Variants in SLC45A1 observed in about 807,000 individuals in gnomAD.
The protein encoded by SLC45A1 is proton-associated sugar transporter A.
Under a neutral mutation model 57.6 loss-of-function variants are expected in SLC45A1, and 28 were observed. The ratio of observed to expected loss-of-function variants is 0.49; its 90% CI spans 0.36 to 0.67. The LOEUF (loss-of-function observed/expected upper bound fraction) is 0.67. Among genes scored for constraint, SLC45A1 ranks in the 30% least tolerant of loss-of-function variants. The pLI, the probability that SLC45A1 is intolerant of heterozygous loss-of-function variation, is 0.00. For missense variants in SLC45A1, 814 were observed against 1,041.5 expected, an observed-to-expected ratio of 0.78 and a Z score of 3.01; for synonymous variants, 459 against 471.5, an observed-to-expected ratio of 0.97 and a Z score of 0.34.
At chr1:8,320,692 TACACAC>T (rs57414432) in intron 1 of SLC45A1, among the ~76,000 whole-genome samples, 5,770 of 101,146 alleles carry the variant, frequency 0.057, 328 homozygotes, top group African/African-American at 0.16. Flanking sequence ...TCTCTCTCTC[TACACAC>T]ACACACACAC....
chr1:8,338,461 C>T (rs72864267), intron 7 of SLC45A1, among the ~76,000 whole-genome samples: 7,659 of 152,326 alleles, frequency 0.05, 689 homozygotes, highest in African/African-American at 0.18. Context: ...GTCTGGGGTA[C>T]CCTTGGAGCA....
At chr1:8,318,628 G>A (rs1569915579) in intron 1 of SLC45A1, among the ~76,000 whole-genome samples, 1 of 152,188 alleles carries the variant, frequency 6.6e-6, no homozygotes, top group Non-Finnish European at 1.5e-5. Context: ...GGGCACCGAG[G>A]ACTCCCCTTT....
Position 8,343,948 on chromosome 1 carries a change from A to G in SLC45A1, c.2182A>G (p.Ile728Val). Residue 728 changes from isoleucine (I) to valine (V), a missense_variant, in exon 9 of 9, where the codon ATT becomes GTT. Ile to Val is a conservative substitution (Grantham distance 29). Transcript: ENST00000471889. The surrounding 1 kb of genome is among the most constrained non-coding windows in gnomAD (Gnocchi z 7.7). ...LGCLYSSLFV[I>V]YEIPPSDAAD... ...CTGCCTGTACTCCTCCCTGTTTGTC[A>G]TTTATGAAATTCCTCCCAGCGACGC... 1 of 1,613,876 alleles carries G rather than the reference A, an allele frequency of 6.2e-7. No individual in the cohort carries two copies. The highest frequency in any genetic ancestry group is 1.3e-5 in the African/African-American group (1 of 74,972).
chr1:8,325,432 A>G lies in SLC45A1; in HGVS notation c.490+42A>G, dbSNP rs547534000. The G allele has an allele frequency of 2.9e-6, 4 of 1,403,168 alleles. No individual in the cohort carries two copies. The South Asian group carries it at 4.8e-5, about 17-fold the overall frequency. 86.9% of individuals were successfully genotyped at this position (1,403,168 alleles called of 1,614,324 possible). On this transcript the variant is annotated intron_variant, in intron 3 of 8. Coordinates refer to ENST00000471889, the MANE Select transcript of SLC45A1 (RefSeq NM_001080397.3). The surrounding 1 kb of genome is among the most constrained non-coding windows in gnomAD (Gnocchi z 6.3). ...TGGAAATAAAATGGAGAGGAAAAAA[A>G]AAAGGCCCCAACTGCTTCCTTTTAG...
Position 8,343,706 on chromosome 1 carries a change from C to T in SLC45A1, c.1981-41C>T, listed in dbSNP as rs1357180158. ...ACCGAGCTCGGTCACCCCGTGCTGG[C>T]CGCGGCGTGTCTCGCTGACACGTTT... On this transcript the variant is annotated intron_variant, in intron 8 of 8. Transcript: ENST00000471889. This position sits in a 1 kb window ranked among gnomAD's most constrained non-coding sequence, Gnocchi z 7.7. The T allele has an allele frequency of 1.3e-6, 2 of 1,578,612 alleles. No individual in the cohort carries two copies. The highest frequency in any genetic ancestry group is 2.3e-5 in the East Asian group (1 of 44,248).
chr1:8,326,098 T>C lies in SLC45A1; in HGVS notation c.715+56T>C. 6.9e-7 allele frequency: 1 copy of C among 1,452,986 alleles called. No homozygotes were observed. Among genetic ancestry groups the C allele is most frequent in the Non-Finnish European group, 9.5e-7 (1 of 1,055,618 alleles). The allele number at this position is 1,452,986 out of a possible 1,614,324, so 90.0% of individuals were successfully genotyped here. ...TCTGCCGGGCTGCAGGCTTCAGACG[T>C]GTGGCTTTCGAGGCCCTTCCTCACT... On this transcript the variant is annotated intron_variant, in intron 4 of 8. Transcript: ENST00000471889. This position sits in a 1 kb window ranked among gnomAD's most constrained non-coding sequence, Gnocchi z 5.5.
chr1:8,336,277 G>T (rs937969254), intron 6 of SLC45A1, among the ~76,000 whole-genome samples: 1 of 152,090 alleles, frequency 6.6e-6, no homozygotes, highest in Non-Finnish European at 1.5e-5. Context: ...GGGCATGGTG[G>T]TGCGTGCCTG....
chr1:8,320,118 G>C (rs1218350933), intron 1 of SLC45A1, among the ~76,000 whole-genome samples: 1 of 152,172 alleles, frequency 6.6e-6, no homozygotes, highest in Non-Finnish European at 1.5e-5. Context: ...CCCCAGATTT[G>C]AAGATGAATC....
intron 5 of SLC45A1, among the ~76,000 whole-genome samples, chr1:8,333,631 C>G (rs1246164521): frequency 2.0e-5 from 3 of 150,974 alleles, no homozygotes; most frequent in African/African-American, 4.9e-5. Flanking sequence ...AACGGGGCCT[C>G]ACTATGTGGC....
In SLC45A1 at chr1:8,326,076, G is replaced by C; in HGVS notation, c.715+34G>C. 1 of 1,566,324 alleles carries C rather than the reference G, an allele frequency of 6.4e-7. No individual in the cohort carries two copies. Among genetic ancestry groups the C allele is most frequent in the African/African-American group, 1.3e-5 (1 of 74,390 alleles). ...CCGCAGCAGGGCCGAAGCTGAATCT[G>C]CCGGGCTGCAGGCTTCAGACGTGTG... On this transcript the variant is annotated intron_variant, in intron 4 of 8. Transcript: ENST00000471889. The surrounding 1 kb of genome is among the most constrained non-coding windows in gnomAD (Gnocchi z 5.5).
chr1:8,328,043 T>A lies in SLC45A1; in HGVS notation c.715+2001T>A, dbSNP rs561343362. On this transcript the variant is annotated intron_variant, in intron 4 of 8. Transcript: ENST00000471889. The surrounding 1 kb of genome is among the most constrained non-coding windows in gnomAD (Gnocchi z 4.6). ...GAGACTTCATCTCAAAATAAATAAA[T>A]TAAAATAAAATAAAATAGCAATTGG... 89 of 152,102 alleles carry A rather than the reference T, an allele frequency of 5.9e-4. No individual in the cohort carries two copies. Among genetic ancestry groups the A allele is most frequent in the African/African-American group, 2.1e-3 (86 of 41,470 alleles). 9.4% of individuals were successfully genotyped at this position (152,102 alleles called of 1,614,324 possible). A position where few individuals can be genotyped will look rare whatever the true frequency, so the allele number is the denominator to read the frequency against.
At chr1:8,339,796 G>A (rs945372430) in intron 8 of SLC45A1, 98 bp downstream of exon 8, 5 of 1,164,586 alleles carry the variant, frequency 4.3e-6, no homozygotes, top group Non-Finnish European at 6.4e-6. Context: ...GCAGAGCCCG[G>A]TGCAAAATGT....
rs2124335218 is a variant in SLC45A1 at position 8,343,938 on chromosome 1, C to G, written c.2172C>G (p.Ser724=). 1 of 1,614,094 alleles carries G rather than the reference C, an allele frequency of 6.2e-7. No homozygotes were observed. The highest frequency in any genetic ancestry group is 1.3e-5 in the African/African-American group (1 of 75,034). ...CCTTCCTGGGCTGCCTGTACTCCTC[C>G]CTGTTTGTCATTTATGAAATTCCTC... is the stretch of plus-strand genomic sequence containing the variant. ...LVSFLGCLYS[S]LFVIYEIPPS... is the part of the protein sequence containing the mutation. Residue 724 remains serine (S), a synonymous_variant, in exon 9 of 9, where the codon TCC becomes TCG. Transcript: ENST00000471889. The surrounding 1 kb of genome is among the most constrained non-coding windows in gnomAD (Gnocchi z 7.7).
In SLC45A1 at chr1:8,332,551, G is replaced by A. The variant is rs539574726; in HGVS notation, c.1443+1615G>A. ...TTTTGAGACAGAGTCTTGCTCTGTT[G>A]CCCAGGCTGGAGTGCAGTGATGCGA... On this transcript the variant is annotated intron_variant, in intron 5 of 8. Transcript: ENST00000471889. Among the ~76,000 whole-genome samples, 125 of 146,594 alleles carry A rather than the reference G, an allele frequency of 8.5e-4. 7 individuals carry two copies. In the East Asian group the frequency reaches 0.02, roughly 24 times the overall value.
intron 8 of SLC45A1, among the ~76,000 whole-genome samples, chr1:8,342,912 AGAAAAG>A: frequency 6.6e-6 from 1 of 150,936 alleles, no homozygotes; most frequent in African/African-American, 2.4e-5. Flanking sequence ...AAAAAAAAAA[AGAAAAG>A]AGAAAAGAAA....
At position 8,326,314 on chromosome 1, in the gene SLC45A1, A is replaced by C. The variant is rs944759189; in HGVS notation, c.715+272A>C. Among the ~76,000 whole-genome samples the C allele has an allele frequency of 6.6e-6, 1 of 152,244 alleles. No individual in the cohort carries two copies. Among genetic ancestry groups the C allele is most frequent in the Non-Finnish European group, 1.5e-5 (1 of 68,034 alleles). The stretch of plus-strand genomic sequence containing the variant: ...ATTGTTTGAGGTAGTTATGTTCTGC[A>C]GAGTCACCACAAACACTGAATTAGC... On this transcript the variant is annotated intron_variant, in intron 4 of 8. Transcript: ENST00000471889. The surrounding 1 kb of genome is among the most constrained non-coding windows in gnomAD (Gnocchi z 5.5).
chr1:8,339,474 C>T lies in SLC45A1; in HGVS notation c.1775-19C>T. 1.9e-6 allele frequency: 3 copies of T among 1,613,674 alleles called. No homozygotes were observed. The highest frequency in any genetic ancestry group is 8.5e-7 in the Non-Finnish European group (1 of 1,179,608). ...GGCTCTGGCCGTGTGGCACTGCTCA[C>T]CCTCTCTGTGGCCCGCAGCTATCCT... On this transcript the variant is annotated intron_variant, in intron 7 of 8. Transcript: ENST00000471889.
At chr1:8,336,304 G>A (rs1640609900) in intron 6 of SLC45A1, among the ~76,000 whole-genome samples, 1 of 152,044 alleles carries the variant, frequency 6.6e-6, no homozygotes, top group African/African-American at 2.4e-5. Flanking sequence ...CAGCTACTTG[G>A]GAGGCTGAGG....
chr1:8,339,320 C>A (rs560917569), intron 7 of SLC45A1, among the ~76,000 whole-genome samples, 173 bp from the exon 8 acceptor site: 1 of 152,208 alleles, frequency 6.6e-6, no homozygotes, highest in Non-Finnish European at 1.5e-5. Context: ...CTGGGGTGGT[C>A]TCTCAGCTCC....
Sources: allele counts gnomAD v4.1 joint callset (sites outside exome capture counted in the v4.1 genomes callset), GRCh38; gene constraint gnomAD v4.1.1; non-coding constraint Gnocchi (gnomAD v3.1); transcripts MANE v1.5; gene names NCBI Gene and HGNC (gene_info 2026-07-23, HGNC 2026-07-21).